The following PDE7B variants were observed in gnomAD, a reference collection of about 807,000 sequenced individuals.
The protein encoded by PDE7B is 3',5'-cyclic-AMP phosphodiesterase 7B.
In PDE7B, 29 loss-of-function variants were observed where a neutral mutation model predicts 56.2. The ratio of observed to expected loss-of-function variants is 0.52; its 90% confidence interval spans 0.38 to 0.70. The LOEUF (loss-of-function observed/expected upper bound fraction) is 0.70, where lower values mean the gene tolerates loss of function less well. Among genes scored for constraint, PDE7B ranks in the 30% least tolerant of loss-of-function variants. PDE7B has a pLI of 0.00. For missense variants in PDE7B, 490 were observed against 565.0 expected (o/e 0.87, Z 1.35); for synonymous variants, 197 against 196.9 (o/e 1.00, Z 0.00).
At chr6:135,897,385 T>C (rs1460605731) in intron 1 of PDE7B, among the ~76,000 whole-genome samples, 1 of 152,128 alleles carries the variant, frequency 6.6e-6, no homozygotes, top group Non-Finnish European at 1.5e-5. Flanking sequence ...GTCTTCTACT[T>C]TCATTAGTGT....
chr6:136,178,382 G>A (rs1341063614), intron 9 of PDE7B, among the ~76,000 whole-genome samples: 5 of 152,040 alleles, frequency 3.3e-5, no homozygotes, highest in Admixed American at 3.3e-4. Context: ...ATATGTGAGG[G>A]AAAGCTCCAA....
At chr6:135,948,884 T>TAGAC (rs1354777695) in intron 2 of PDE7B, among the ~76,000 whole-genome samples, 2 of 134,162 alleles carry the variant, frequency 1.5e-5, no homozygotes, top group Non-Finnish European at 3.1e-5. Context: ...GATAGATAGA[T>TAGAC]AGATAGATAG....
chr6:136,001,574 G>A (rs1474771652), intron 2 of PDE7B, among the ~76,000 whole-genome samples: 1 of 152,198 alleles, frequency 6.6e-6, no homozygotes, highest in Non-Finnish European at 1.5e-5. Flanking sequence ...AGGAGCCGAT[G>A]CGATCAATTG....
chr6:136,085,650 G>A (rs940983109), intron 2 of PDE7B, among the ~76,000 whole-genome samples: 2 of 152,204 alleles, frequency 1.3e-5, no homozygotes, highest in African/African-American at 2.4e-5. Context: ...ATCTGGGGAT[G>A]CAGCACTGAA....
chr6:136,077,619 T>C lies in PDE7B; in HGVS notation c.83-31112T>C, dbSNP rs142891938. On this transcript the variant is annotated intron_variant, in intron 2 of 12. Transcript: ENST00000308191. ...GAAGCACATACTTCAGCATGTATTT[T>C]AAAATGCAAAGGTATTCTTAATGAA... Among the ~76,000 whole-genome samples, 915 of 152,306 alleles carry C rather than the reference T, an allele frequency of 6.0e-3. 6 individuals carry two copies. Among genetic ancestry groups the C allele is most frequent in the African/African-American group, 0.021 (870 of 41,568 alleles).
At chr6:136,099,280 G>C (rs1403722947) in intron 2 of PDE7B, among the ~76,000 whole-genome samples, 1 of 151,984 alleles carries the variant, frequency 6.6e-6, no homozygotes, top group Non-Finnish European at 1.5e-5. Context: ...TAATCCTTTG[G>C]GTATATACCC....
At chr6:136,114,730 A>G (rs565570605) in intron 3 of PDE7B, 3 of 152,264 alleles carry the variant, frequency 2.0e-5, no homozygotes, top group Non-Finnish European at 4.4e-5. Flanking sequence ...CAAGCGGAGA[A>G]GGGAGGTGTC....
At chr6:136,139,161 C>T (rs1448667229) in intron 3 of PDE7B, among the ~76,000 whole-genome samples, 1 of 152,050 alleles carries the variant, frequency 6.6e-6, no homozygotes, top group Non-Finnish European at 1.5e-5. Flanking sequence ...GATGTTCGCC[C>T]TCCTGTGTCC....
chr6:135,995,448 A>G (rs921137918), intron 2 of PDE7B, among the ~76,000 whole-genome samples: 9 of 152,236 alleles, frequency 5.9e-5, no homozygotes, highest in Non-Finnish European at 1.3e-4. Context: ...TTGGCAGAAC[A>G]AATTTCTGAC....
intron 2 of PDE7B, among the ~76,000 whole-genome samples, chr6:136,006,726 T>C (rs569509592): frequency 4.6e-5 from 7 of 152,326 alleles, no homozygotes; most frequent in Admixed American, 2.6e-4. Flanking sequence ...ATTGTTAGTG[T>C]ATAGAAAAGC....
intron 2 of PDE7B, among the ~76,000 whole-genome samples, chr6:135,950,564 G>A (rs1163731387): frequency 6.6e-6 from 1 of 151,918 alleles, no homozygotes; most frequent in Non-Finnish European, 1.5e-5. Flanking sequence ...ATCCCTGATG[G>A]GGACCAACCT....
intron 3 of PDE7B, among the ~76,000 whole-genome samples, chr6:136,122,894 C>T (rs1459280357): frequency 6.6e-6 from 1 of 152,196 alleles, no homozygotes; most frequent in Admixed American, 6.5e-5. Flanking sequence ...ATCACCCTCC[C>T]TGCTGAGATG....
chr6:135,915,253 G>C (rs760861866), intron 1 of PDE7B, among the ~76,000 whole-genome samples: 2 of 152,204 alleles, frequency 1.3e-5, no homozygotes, highest in Non-Finnish European at 2.9e-5. Context: ...AAAACAGCAC[G>C]TAGGTCTTCG....
intron 1 of PDE7B, among the ~76,000 whole-genome samples, chr6:135,916,595 G>C (rs555628675): frequency 4.9e-4 from 74 of 151,704 alleles, no homozygotes; most frequent in African/African-American, 1.7e-3. Flanking sequence ...GTTTCACCAT[G>C]TTGGCCAGGA....
chr6:136,034,168 A>G (rs375114375), intron 2 of PDE7B: 1 of 152,330 alleles, frequency 6.6e-6, no homozygotes, highest in East Asian at 1.9e-4. Context: ...CATTCTCTAG[A>G]ATTGTTAGAA....
chr6:135,928,497 A>ATATTTATATATATATATT (rs1774237381), intron 1 of PDE7B, among the ~76,000 whole-genome samples: 1 of 103,772 alleles, frequency 9.6e-6, no homozygotes. Context: ...TTATATATAT[A>ATATTTATATATATATATT]TATTTATATA....
At chr6:135,974,827 G>T (rs9373158) in intron 2 of PDE7B, among the ~76,000 whole-genome samples, 1 of 152,142 alleles carries the variant, frequency 6.6e-6, no homozygotes, top group Admixed American at 6.5e-5. Context: ...GTTCAAAATC[G>T]CTTCAATTCT....
intron 2 of PDE7B, among the ~76,000 whole-genome samples, chr6:135,979,432 G>A (rs2128204034): frequency 6.6e-6 from 1 of 151,692 alleles, no homozygotes; most frequent in East Asian, 1.9e-4. Context: ...CTATTGATTG[G>A]AATAGTTTCA....
At chr6:136,013,745 T>C (rs1354308616) in intron 2 of PDE7B, among the ~76,000 whole-genome samples, 1 of 152,234 alleles carries the variant, frequency 6.6e-6, no homozygotes, top group Non-Finnish European at 1.5e-5. Context: ...CAATCCAGCA[T>C]GTCAGGAATA....
Sources: allele counts gnomAD v4.1 joint callset (sites outside exome capture counted in the v4.1 genomes callset), GRCh38; gene constraint gnomAD v4.1.1; transcripts MANE v1.5; gene names NCBI Gene and HGNC (gene_info 2026-07-23, HGNC 2026-07-21).